Variants in CHCHD3 observed in about 807,000 individuals in gnomAD.
The protein encoded by CHCHD3 is coiled-coil-helix-coiled-coil-helix domain containing 3.
CHCHD3 carries 20 observed loss-of-function variants against 38.2 expected under a neutral mutation model. That is an observed-to-expected ratio of 0.52 (90% confidence interval 0.37 to 0.76). The LOEUF (loss-of-function observed/expected upper bound fraction) is 0.76. Ranked by LOEUF, CHCHD3 falls within the 30% of genes least tolerant of loss-of-function variation. CHCHD3 has a pLI of 0.00. For synonymous variants in CHCHD3, 82 were observed against 100.0 expected (o/e 0.82, Z 1.07); for missense variants, 245 against 279.2 (o/e 0.88, Z 0.87).
At chr7:132,801,314 T>C (rs1425912764) in intron 6 of CHCHD3, among the ~76,000 whole-genome samples, 1 of 152,208 alleles carries the variant, frequency 6.6e-6, no homozygotes, top group Non-Finnish European at 1.5e-5. Flanking sequence ...TCTGAAAAAT[T>C]CAATTTTAAG....
intron 6 of CHCHD3, among the ~76,000 whole-genome samples, chr7:132,823,239 A>G (rs1366687707): frequency 1.3e-5 from 2 of 152,186 alleles, no homozygotes; most frequent in African/African-American, 4.8e-5. Flanking sequence ...AAAAAATCTA[A>G]TACATTAGTT....
rs138541513 is a variant in CHCHD3 at position 132,908,836 on chromosome 7, A to G, written c.370-23091T>C. Among the ~76,000 whole-genome samples the G allele has an allele frequency of 6.5e-3, 995 of 152,334 alleles. 11 individuals are homozygous for G. Among genetic ancestry groups the G allele is most frequent in the African/African-American group, 0.022 (923 of 41,574 alleles). ...CTTTAGAATGTTATAAAGTTATCTC[A>G]TATTTGTTATATCATTTAATTCTCA... On this transcript the variant is annotated intron_variant, in intron 4 of 7. Coordinates refer to ENST00000262570, the MANE Select transcript of CHCHD3 (RefSeq NM_017812.4).
intron 6 of CHCHD3, among the ~76,000 whole-genome samples, chr7:132,798,854 T>C (rs1806689652): frequency 6.6e-6 from 1 of 152,330 alleles, no homozygotes; most frequent in Middle Eastern, 3.4e-3. Context: ...GTTTAAGTTG[T>C]AGATAAGCAT....
At chr7:133,002,553 G>A (rs1345724834) in intron 3 of CHCHD3, among the ~76,000 whole-genome samples, 1 of 151,708 alleles carries the variant, frequency 6.6e-6, no homozygotes, top group Non-Finnish European at 1.5e-5. Flanking sequence ...TTTACAAACA[G>A]CATTCCTTAT....
chr7:133,027,710 C>G (rs904029980), intron 2 of CHCHD3, among the ~76,000 whole-genome samples: 1 of 152,096 alleles, frequency 6.6e-6, no homozygotes, highest in East Asian at 1.9e-4. Flanking sequence ...AAAATATAAG[C>G]CTCTACTTTG....
chr7:133,036,569 C>G (rs1813682807), intron 2 of CHCHD3, among the ~76,000 whole-genome samples: 1 of 152,108 alleles, frequency 6.6e-6, no homozygotes, highest in African/African-American at 2.4e-5. Flanking sequence ...GGTAGAAAAA[C>G]AGCTCAATGA....
intron 5 of CHCHD3, among the ~76,000 whole-genome samples, chr7:132,859,049 A>G (rs1292063778): frequency 1.3e-5 from 2 of 152,182 alleles, no homozygotes; most frequent in African/African-American, 4.8e-5. Flanking sequence ...GCTACAGTAC[A>G]GTGATTTGCA....
At chr7:133,019,327 T>C (rs1813117926) in intron 3 of CHCHD3, among the ~76,000 whole-genome samples, 1 of 152,130 alleles carries the variant, frequency 6.6e-6, no homozygotes, top group South Asian at 2.1e-4. Flanking sequence ...TATGTAATAA[T>C]AAAAATCAAG....
At position 132,995,250 on chromosome 7, in the gene CHCHD3, T is replaced by C. The variant is rs116710308; in HGVS notation, c.252-19964A>G. 6.9e-3 allele frequency among the ~76,000 whole-genome samples: 1,054 copies of C among 152,284 alleles called. 15 individuals carry two copies. The highest frequency in any genetic ancestry group is 0.024 in the African/African-American group (998 of 41,550). On this transcript the variant is annotated intron_variant, in intron 3 of 7. Coordinates refer to ENST00000262570, the MANE Select transcript of CHCHD3 (RefSeq NM_017812.4). The stretch of plus-strand genomic sequence containing the variant: ...CCATTTTATTGAGGTATGATTGACA[T>C]ACAGAAAGCTGCACATACTTAATGT...
chr7:133,022,534 C>A, intron 3 of CHCHD3: 1 of 455,896 alleles, frequency 2.2e-6, no homozygotes, highest in South Asian at 1.6e-5. Flanking sequence ...GCTATTGATT[C>A]TCCTAAGAAC....
intron 2 of CHCHD3, among the ~76,000 whole-genome samples, chr7:133,037,127 A>G (rs1478960450): frequency 6.6e-6 from 1 of 152,232 alleles, no homozygotes; most frequent in Admixed American, 6.5e-5. Flanking sequence ...AAGTAATAGA[A>G]TATGATGAAT....
rs11339560 is a variant in CHCHD3 at position 132,808,736 on chromosome 7, C to CT, written c.525-12160dup. Among the ~76,000 whole-genome samples the CT allele has an allele frequency of 9.5e-4, 141 of 148,030 alleles. 1 individual carries two copies. Among genetic ancestry groups the CT allele is most frequent in the South Asian group, 2.6e-3 (12 of 4,660 alleles). ...GGTTCTTTTGTTGTTATTTATTTTC[C>CT]TTTTTTTTTTTATTATACTTTAAGT... On this transcript the variant is annotated intron_variant, in intron 6 of 7. Transcript: ENST00000262570.
At chr7:132,976,786 T>C (rs1811778756) in intron 3 of CHCHD3, among the ~76,000 whole-genome samples, 1 of 152,158 alleles carries the variant, frequency 6.6e-6, no homozygotes, top group African/African-American at 2.4e-5. Flanking sequence ...AATTTTGTGT[T>C]ACTATTTTTA....
At chr7:132,926,160 G>T (rs142863231) in intron 4 of CHCHD3, among the ~76,000 whole-genome samples, 108 of 152,354 alleles carry the variant, frequency 7.1e-4, no homozygotes, top group Middle Eastern at 3.4e-3. Flanking sequence ...AAGTAGACTA[G>T]TTGGGATATG....
chr7:132,820,611 G>GTTTTTTTTTTTTTTTTTTTTTT (rs748470167), intron 6 of CHCHD3, among the ~76,000 whole-genome samples: 1 of 96,190 alleles, frequency 1.0e-5, no homozygotes, highest in Non-Finnish European at 2.0e-5. Context: ...ATGTGCTAGT[G>GTTTTTTTTTTTTTTTTTTTTTT]TTTTTTTTTT....
chr7:133,073,239 C>A, intron 1 of CHCHD3, among the ~76,000 whole-genome samples: 1 of 152,090 alleles, frequency 6.6e-6, no homozygotes. Flanking sequence ...ACTCTGGCCA[C>A]ATTTTATCTC....
intron 4 of CHCHD3, among the ~76,000 whole-genome samples, chr7:132,963,173 A>G (rs890228306): frequency 2.0e-5 from 3 of 149,200 alleles, no homozygotes; most frequent in African/African-American, 7.3e-5. Flanking sequence ...TATATATAAT[A>G]TATGTAGGCA....
At chr7:132,894,201 C>G (rs1420569819) in intron 4 of CHCHD3, among the ~76,000 whole-genome samples, 2 of 152,098 alleles carry the variant, frequency 1.3e-5, no homozygotes, top group Non-Finnish European at 2.9e-5. Context: ...AAATTAGAAC[C>G]AATTTTATAA....
At chr7:133,028,373 G>GT (rs1813403339) in intron 2 of CHCHD3, among the ~76,000 whole-genome samples, 1 of 152,088 alleles carries the variant, frequency 6.6e-6, no homozygotes, top group Non-Finnish European at 1.5e-5. Context: ...TAATAAAATT[G>GT]TATCACATCT....
Sources: gnomAD v4.1 joint callset for allele counts (sites outside exome capture counted in the v4.1 genomes callset) on GRCh38, gnomAD v4.1.1 for gene constraint, MANE v1.5 for transcripts, NCBI Gene and HGNC (gene_info 2026-07-23, HGNC 2026-07-21) for gene names.